Variants in ZNF442 observed in about 807,000 individuals in gnomAD.
ZNF442 encodes the protein zinc finger protein 442.
In ZNF442, 45 loss-of-function variants were observed where a neutral mutation model predicts 57.0. The observed-to-expected ratio is 0.79, with a 90% confidence interval of 0.62 to 1.01. ZNF442 has a LOEUF of 1.01. Among genes scored for constraint, ZNF442 ranks in the 50% least tolerant of loss-of-function variants. ZNF442 has a pLI of 0.00. For synonymous variants in ZNF442, 213 were observed against 241.8 expected (o/e 0.88, Z 1.10); for missense variants, 690 against 756.5 (o/e 0.91, Z 1.03).
intron 3 of ZNF442, among the ~76,000 whole-genome samples, chr19:12,360,708 C>T (rs1040684817): frequency 1.3e-5 from 2 of 152,108 alleles, no homozygotes; most frequent in African/African-American, 4.8e-5. Flanking sequence ...TCCCAAGTAG[C>T]TGCGACTTCA....
chr19:12,357,341 TTTTC>T (rs1969347175), intron 3 of ZNF442, among the ~76,000 whole-genome samples: 2 of 136,368 alleles, frequency 1.5e-5, no homozygotes, highest in South Asian at 2.3e-4. Context: ...CAGAATTTCT[TTTTC>T]TTTCTTTTTT....
chr19:12,349,028 A>G lies in ZNF442; in HGVS notation c.*673T>C, dbSNP rs1373399268. The G allele has an allele frequency of 8.2e-6, 1 of 121,922 alleles. No individual in the cohort carries two copies. The highest frequency in any genetic ancestry group is 1.6e-5 in the Non-Finnish European group (1 of 62,456). 7.6% of individuals were successfully genotyped at this position (121,922 alleles called of 1,614,324 possible). A position where few individuals can be genotyped will look rare whatever the true frequency, so the allele number is the denominator to read the frequency against. On this transcript the variant is annotated 3_prime_UTR_variant, in exon 6 of 6. Transcript: ENST00000242804. ...AAACCCCGTCTCTACTAAAAATACA[A>G]AAAAAAAAAAAAAAAAAAAAAAATT...
At chr19:12,367,523 A>G (rs762320210), upstream of ZNF442, among the ~76,000 whole-genome samples, 9 of 152,084 alleles carry the variant, frequency 5.9e-5, no homozygotes, top group Non-Finnish European at 1.0e-4. Flanking sequence ...GAACTTCCCA[A>G]TCCTAGTAAG....
At chr19:12,360,708 C>G (rs1040684817) in intron 3 of ZNF442, among the ~76,000 whole-genome samples, 5 of 152,108 alleles carry the variant, frequency 3.3e-5, no homozygotes, top group African/African-American at 1.2e-4. Flanking sequence ...TCCCAAGTAG[C>G]TGCGACTTCA....
chr19:12,352,533 T>C (rs1969258749), intron 4 of ZNF442, among the ~76,000 whole-genome samples: 2 of 152,172 alleles, frequency 1.3e-5, no homozygotes. Flanking sequence ...ATGAATTTTC[T>C]TCAGTCTCTG....
At chr19:12,359,014 A>C (rs1969380263) in intron 3 of ZNF442, among the ~76,000 whole-genome samples, 1 of 152,220 alleles carries the variant, frequency 6.6e-6, no homozygotes, top group Admixed American at 6.5e-5. Context: ...AGGATATCTC[A>C]AGAATAGCCA....
chr19:12,363,713 C>G, intron 2 of ZNF442, 42 bp from the exon 3 acceptor site: 1 of 1,302,590 alleles, frequency 7.7e-7, no homozygotes, highest in Non-Finnish European at 1.1e-6. Flanking sequence ...CAAGGGTTAG[C>G]TTTTTATAGA....
the ZNF442 span, among the ~76,000 whole-genome samples, chr19:12,372,971 A>G: frequency 6.6e-6 from 1 of 152,132 alleles, no homozygotes. Flanking sequence ...ACAGGGTTTC[A>G]CCATGTTGGC....
At position 12,349,761 on chromosome 19, in the gene ZNF442, T is replaced by G; in HGVS notation, c.1824A>C (p.Ala608=). The G allele has an allele frequency of 1.2e-6, 2 of 1,614,196 alleles. No individual in the cohort carries two copies. Among genetic ancestry groups the G allele is most frequent in the Non-Finnish European group, 1.7e-6 (2 of 1,180,024 alleles). The part of the protein sequence containing the change: ...KMHECKECGK[A]LSSLSSLHRH... Reference sequence around the variant, plus strand: ...TATGCAAGGAACTGAGAGAACTCAGTGCCTTCCCACATTCCTTACATTCAT... The same window carrying G: ...TATGCAAGGAACTGAGAGAACTCAGGGCCTTCCCACATTCCTTACATTCAT... The change falls in exon 6 of 6, where the codon GCA becomes GCC. Residue 608 remains alanine, a synonymous_variant. Coordinates refer to ENST00000242804, the MANE Select transcript of ZNF442 (RefSeq NM_030824.3).
In ZNF442 at chr19:12,349,983, A is replaced by G; in HGVS notation, c.1602T>C (p.His534=). 1 of 1,614,208 alleles carries G rather than the reference A, an allele frequency of 6.2e-7. No homozygotes were observed. The highest frequency in any genetic ancestry group is 8.5e-7 in the Non-Finnish European group (1 of 1,180,032). Residue 534 remains histidine, a synonymous_variant, in exon 6 of 6, where the codon CAT becomes CAC. Transcript: ENST00000242804. ...AFSHFGNLKV[H]ERIHTGEKPY... Reference sequence around the variant, plus strand: ...GCTTCTCTCCAGTGTGAATCCTTTCATGGACTTTTAAGTTACCAAAATGAC... The same window carrying G: ...GCTTCTCTCCAGTGTGAATCCTTTCGTGGACTTTTAAGTTACCAAAATGAC...
At chr19:12,353,847 T>A (rs1445182486) in intron 3 of ZNF442, among the ~76,000 whole-genome samples, 1 of 151,998 alleles carries the variant, frequency 6.6e-6, no homozygotes, top group Non-Finnish European at 1.5e-5. Context: ...AAAGAATAAA[T>A]GGGTAGTGAC....
At chr19:12,373,046 A>G in the ZNF442 span, among the ~76,000 whole-genome samples, 38 of 152,294 alleles carry the variant, frequency 2.5e-4, no homozygotes, top group East Asian at 7.3e-3. Context: ...TGCTGGGATT[A>G]CAGGTGTCAG....
intron 3 of ZNF442, among the ~76,000 whole-genome samples, chr19:12,357,956 T>A (rs1969360702): frequency 6.7e-6 from 1 of 150,358 alleles, no homozygotes; most frequent in African/African-American, 2.5e-5. Context: ...GAGGTATATT[T>A]GCCCACCTTT....
intron 3 of ZNF442, among the ~76,000 whole-genome samples, chr19:12,353,760 G>T (rs551367296): frequency 6.6e-6 from 1 of 152,160 alleles, no homozygotes; most frequent in Non-Finnish European, 1.5e-5. Context: ...GAAAGATGGC[G>T]CTTGAAGAGG....
chr19:12,363,762 C>T, intron 2 of ZNF442, 91 bp from the exon 3 acceptor site: 2 of 785,284 alleles, frequency 2.5e-6, no homozygotes, highest in Non-Finnish European at 4.3e-6. Flanking sequence ...CCACCCAGGG[C>T]ATCCAGCTGT....
At chr19:12,366,886 C>T (rs753972102), upstream of ZNF442, among the ~76,000 whole-genome samples, 1 of 152,210 alleles carries the variant, frequency 6.6e-6, no homozygotes, top group African/African-American at 2.4e-5. Flanking sequence ...CCGCCGGCCT[C>T]GGCCTCCCAA....
chr19:12,373,689 CT>C, the ZNF442 span: 5 of 301,694 alleles, frequency 1.7e-5, no homozygotes, highest in Admixed American at 1.5e-4. Flanking sequence ...GCCAGTGTTT[CT>C]GTAAGTATGC....
intron 3 of ZNF442, among the ~76,000 whole-genome samples, chr19:12,356,476 A>C (rs1478958485): frequency 1.3e-5 from 2 of 151,936 alleles, no homozygotes; most frequent in Non-Finnish European, 2.9e-5. Flanking sequence ...AAAAATACAA[A>C]ATTAGCCGGG....
chr19:12,366,346 G>T (rs1174290961), upstream of ZNF442, among the ~76,000 whole-genome samples: 1 of 152,174 alleles, frequency 6.6e-6, no homozygotes. Flanking sequence ...CCCCTTTCAG[G>T]AGGTTAAACA....
Sources: allele counts gnomAD v4.1 joint callset (sites outside exome capture counted in the v4.1 genomes callset), GRCh38; gene constraint gnomAD v4.1.1; transcripts MANE v1.5; gene names NCBI Gene and HGNC (gene_info 2026-07-23, HGNC 2026-07-21).